ABLIM1: variants seen among roughly 807,000 people sequenced by gnomAD.
ABLIM1 encodes actin binding LIM protein 1.
ABLIM1 carries 40 observed loss-of-function variants against 107.0 expected under a neutral mutation model. The observed-to-expected ratio is 0.37, with a 90% confidence interval of 0.29 to 0.49. The LOEUF is 0.49. ABLIM1 is among the 20% of genes least tolerant of loss of function. The probability of loss-of-function intolerance (pLI) is 0.97; values close to 1 mark genes in which losing one functional copy is unlikely to be tolerated. For missense variants in ABLIM1, 857 were observed against 1,008.5 expected (o/e 0.85, Z 2.04); for synonymous variants, 357 against 357.3 (o/e 1.00, Z 0.01).
intron 6 of ABLIM1, among the ~76,000 whole-genome samples, chr10:114,514,402 C>T (rs2062466716): frequency 6.6e-6 from 1 of 152,104 alleles, no homozygotes. Flanking sequence ...GAGACAGGGT[C>T]TCACTATGTT....
chr10:114,474,069 T>C (rs192142579), intron 8 of ABLIM1, 113 bp from the exon 9 acceptor site: 2 of 707,212 alleles, frequency 2.8e-6, no homozygotes, highest in East Asian at 5.3e-5. Flanking sequence ...GAAACACTTA[T>C]CACCTTTTTG....
chr10:114,574,326 C>CT (rs1229612940), intron 3 of ABLIM1, among the ~76,000 whole-genome samples: 6 of 152,196 alleles, frequency 3.9e-5, no homozygotes, highest in African/African-American at 1.4e-4. Flanking sequence ...TCAAACCTAT[C>CT]TTAAGTTTTA....
chr10:114,729,405 C>T (rs533781606), intron 1 of ABLIM1, among the ~76,000 whole-genome samples: 5 of 152,092 alleles, frequency 3.3e-5, no homozygotes, highest in Non-Finnish European at 7.3e-5. Flanking sequence ...AGATTAAGGG[C>T]TTCTGGTCTC....
At chr10:114,468,822 C>T (rs1343788933) in intron 10 of ABLIM1, among the ~76,000 whole-genome samples, 2 of 151,744 alleles carry the variant, frequency 1.3e-5, no homozygotes, top group South Asian at 2.1e-4. Context: ...GAGGCTGAGG[C>T]TGGCGGACCA....
chr10:114,758,743 G>A (rs2146804), intron 1 of ABLIM1, among the ~76,000 whole-genome samples: 4,886 of 152,122 alleles, frequency 0.032, 259 homozygotes, highest in African/African-American at 0.11. Context: ...AGTTGAGAAA[G>A]AAAAGTATCA....
At chr10:114,690,382 T>A in intron 1 of ABLIM1, 1 of 1,605,626 alleles carries the variant, frequency 6.2e-7, no homozygotes, top group Admixed American at 1.7e-5. Context: ...AGGATGAAGT[T>A]CTCATCATCA....
At chr10:114,573,400 T>C (rs765678088) in intron 3 of ABLIM1, among the ~76,000 whole-genome samples, 1 of 152,218 alleles carries the variant, frequency 6.6e-6, no homozygotes, top group Non-Finnish European at 1.5e-5. Flanking sequence ...ATTATCGTCA[T>C]TCGGCAGCAG....
At chr10:114,600,116 A>G (rs1277143653) in intron 2 of ABLIM1, among the ~76,000 whole-genome samples, 3 of 152,152 alleles carry the variant, frequency 2.0e-5, no homozygotes, top group African/African-American at 4.8e-5. Context: ...TATTTTACAG[A>G]TAAGGACACT....
intron 1 of ABLIM1, among the ~76,000 whole-genome samples, chr10:114,734,503 G>A (rs967753730): frequency 3.3e-5 from 5 of 151,704 alleles, no homozygotes; most frequent in Non-Finnish European, 7.4e-5. Flanking sequence ...CAACACCCCC[G>A]CAACTCTCGC....
At chr10:114,439,846 C>G (rs774214622) in intron 20 of ABLIM1, 5 of 605,198 alleles carry the variant, frequency 8.3e-6, no homozygotes, top group Non-Finnish European at 1.1e-5. Flanking sequence ...AAGGCCAAAG[C>G]AAGAGAGACC....
chr10:114,512,503 T>C lies in ABLIM1; in HGVS notation c.895-20625A>G, dbSNP rs2062022625. 1.3e-5 allele frequency among the ~76,000 whole-genome samples: 2 copies of C among 152,134 alleles called. 1 individual carries two copies. Among genetic ancestry groups the C allele is most frequent in the South Asian group, 4.1e-4 (2 of 4,820 alleles). ...GGGTCAGGCAGGACTTCACGGAAGA[T>C]ATAACTTGTAAATTGGGATTAGAAG... On this transcript the variant is annotated intron_variant, in intron 6 of 22. Coordinates refer to ENST00000533213, the MANE Select transcript of ABLIM1 (RefSeq NM_002313.7).
At chr10:114,463,449 C>A (rs960978519) in intron 12 of ABLIM1, among the ~76,000 whole-genome samples, 32 of 152,110 alleles carry the variant, frequency 2.1e-4, no homozygotes, top group Non-Finnish European at 3.4e-4. Context: ...CTCTGTTCAG[C>A]CAGTAGCAGG....
At chr10:114,570,304 G>A (rs1419471316) in intron 4 of ABLIM1, among the ~76,000 whole-genome samples, 2 of 152,142 alleles carry the variant, frequency 1.3e-5, no homozygotes, top group East Asian at 3.9e-4. Context: ...AAGAAATGGT[G>A]CAATTGGCCA....
chr10:114,596,891 T>A (rs914151001), intron 2 of ABLIM1, among the ~76,000 whole-genome samples: 2 of 152,126 alleles, frequency 1.3e-5, no homozygotes, highest in Non-Finnish European at 2.9e-5. Context: ...CTGCCCCCAC[T>A]CAAGAAATAG....
chr10:114,611,272 G>A (rs1051781603), intron 1 of ABLIM1, among the ~76,000 whole-genome samples: 1 of 152,164 alleles, frequency 6.6e-6, no homozygotes, highest in East Asian at 1.9e-4. Flanking sequence ...TCCGAGAACA[G>A]CCTGGCCAAC....
chr10:114,634,182 G>T, intron 1 of ABLIM1, among the ~76,000 whole-genome samples: 1 of 111,538 alleles, frequency 9.0e-6, no homozygotes, highest in Non-Finnish European at 1.7e-5. Context: ...GCCCAGGCTG[G>T]AGTGCAGTGG....
intron 3 of ABLIM1, 66 bp from the exon 4 acceptor site, chr10:114,571,472 C>T (rs2071671428): frequency 6.7e-7 from 1 of 1,482,224 alleles, no homozygotes; most frequent in South Asian, 1.2e-5. Context: ...CTTATTCCTT[C>T]TGCTTGCTGC....
At chr10:114,674,937 T>A (rs2080415209) in intron 1 of ABLIM1, among the ~76,000 whole-genome samples, 1 of 152,168 alleles carries the variant, frequency 6.6e-6, no homozygotes, top group African/African-American at 2.4e-5. Context: ...GACCTAATCT[T>A]TCTCCTTAGA....
intron 1 of ABLIM1, among the ~76,000 whole-genome samples, chr10:114,692,848 C>T (rs1041092732): frequency 5.3e-5 from 8 of 152,172 alleles, no homozygotes; most frequent in African/African-American, 1.9e-4. Context: ...TGAGGTGGTG[C>T]CACTGCATTC....
Sources: allele counts gnomAD v4.1 joint callset (sites outside exome capture counted in the v4.1 genomes callset), GRCh38; gene constraint gnomAD v4.1.1; transcripts MANE v1.5; gene names NCBI Gene and HGNC (gene_info 2026-07-23, HGNC 2026-07-21).